MAGI1: variants seen among roughly 807,000 people sequenced by gnomAD.
The protein encoded by MAGI1 is membrane associated guanylate kinase, WW and PDZ domain containing 1, also known as membrane-associated guanylate kinase, WW and PDZ domain-containing protein 1.
Under a neutral mutation model 139.9 loss-of-function variants are expected in MAGI1, and 58 were observed. That is an observed-to-expected ratio of 0.41 (90% confidence interval 0.34 to 0.52). MAGI1 has a LOEUF of 0.52. Among genes scored for constraint, MAGI1 ranks in the 20% least tolerant of loss-of-function variants. The probability of loss-of-function intolerance (pLI) is 0.12; values close to 1 mark genes in which losing one functional copy is unlikely to be tolerated. For synonymous variants in MAGI1, 812 were observed against 737.9 expected (o/e 1.10, Z -1.63); for missense variants, 1,874 against 1,901.6 (o/e 0.99, Z 0.27).
At chr3:65,816,306 G>A (rs1011078726) in intron 1 of MAGI1, among the ~76,000 whole-genome samples, 2 of 152,116 alleles carry the variant, frequency 1.3e-5, no homozygotes, top group African/African-American at 4.8e-5. Context: ...TTTCAGTGAT[G>A]AAAAATTTCC....
At chr3:65,505,423 G>C (rs1238576454) in intron 2 of MAGI1, among the ~76,000 whole-genome samples, 1 of 151,002 alleles carries the variant, frequency 6.6e-6, no homozygotes, top group Non-Finnish European at 1.5e-5. Flanking sequence ...CTGGGGCCAG[G>C]CATGGTAGCT....
intron 1 of MAGI1, chr3:66,009,247 G>A (rs1474427082): frequency 1.3e-5 from 2 of 152,332 alleles, no homozygotes; most frequent in East Asian, 1.9e-4. Context: ...CAGGTGCGGT[G>A]GCTCACGCCT....
chr3:66,010,539 T>C (rs1027590775), intron 1 of MAGI1, among the ~76,000 whole-genome samples: 3 of 152,126 alleles, frequency 2.0e-5, no homozygotes, highest in Non-Finnish European at 2.9e-5. Context: ...GGCCGGCAGA[T>C]GATAAGAGGC....
At position 65,795,730 on chromosome 3, in the gene MAGI1, G is replaced by GAC. The variant is rs141337209; in HGVS notation, c.314-173643_314-173642insGT. On this transcript the variant is annotated intron_variant, in intron 1 of 22. Coordinates refer to ENST00000402939, the MANE Select transcript of MAGI1 (RefSeq NM_001033057.2). ...ACACACACACACACACACACACGGA[G>GAC]AGAGAGAGAGAGATAGAGATTTAAG... Among the ~76,000 whole-genome samples, 690 of 76,154 alleles carry GAC rather than the reference G, an allele frequency of 9.1e-3. 4 individuals are homozygous for GAC. Among genetic ancestry groups the GAC allele is most frequent in the African/African-American group, 0.025 (647 of 25,664 alleles). 50.0% of individuals were successfully genotyped at this position (76,154 alleles called of 152,430 possible).
At chr3:65,829,933 C>T (rs1445927579) in intron 1 of MAGI1, among the ~76,000 whole-genome samples, 1 of 152,202 alleles carries the variant, frequency 6.6e-6, no homozygotes, top group East Asian at 1.9e-4. Flanking sequence ...GACTGACTCT[C>T]CCTCCAATTC....
intron 2 of MAGI1, among the ~76,000 whole-genome samples, chr3:65,515,887 T>C (rs2077848415): frequency 6.6e-6 from 1 of 152,184 alleles, no homozygotes; most frequent in East Asian, 1.9e-4. Context: ...ACACAAATGC[T>C]GAAAATGAGG....
At chr3:65,863,861 C>T (rs34245385) in intron 1 of MAGI1, among the ~76,000 whole-genome samples, 2,815 of 152,210 alleles carry the variant, frequency 0.018, 42 homozygotes, top group Non-Finnish European at 0.029. Flanking sequence ...CCTCCACATG[C>T]TAGTCTTCAG....
At chr3:65,503,095 T>A (rs983122308) in intron 2 of MAGI1, among the ~76,000 whole-genome samples, 1 of 152,134 alleles carries the variant, frequency 6.6e-6, no homozygotes, top group Non-Finnish European at 1.5e-5. Flanking sequence ...AGGTGTGCTG[T>A]ACCTCCAGCA....
intron 1 of MAGI1, among the ~76,000 whole-genome samples, chr3:65,951,786 T>C (rs1455340515): frequency 6.6e-6 from 1 of 152,212 alleles, no homozygotes; most frequent in African/African-American, 2.4e-5. Flanking sequence ...GGCAGTCTGG[T>C]GATGACTATT....
At chr3:65,701,488 A>T (rs892043022) in intron 1 of MAGI1, among the ~76,000 whole-genome samples, 1 of 152,120 alleles carries the variant, frequency 6.6e-6, no homozygotes, top group African/African-American at 2.4e-5. Flanking sequence ...CCTGACCTCA[A>T]GTGATCCGCC....
intron 5 of MAGI1, among the ~76,000 whole-genome samples, chr3:65,465,474 T>C (rs531759159): frequency 2.6e-5 from 4 of 152,216 alleles, no homozygotes; most frequent in Admixed American, 2.6e-4. Context: ...TATTTTCATT[T>C]TCCCTTGATT....
At position 65,573,006 on chromosome 3, in the gene MAGI1, TA is replaced by T. The variant is rs894791953; in HGVS notation, c.430+48965del. Among the ~76,000 whole-genome samples the T allele has an allele frequency of 2.0e-5, 3 of 151,912 alleles. No homozygotes were observed. The South Asian group carries it at 6.2e-4, about 32-fold the overall frequency. ...TTAGACTTGCACGTATTTTGACAAG[TA>T]AAAAAAATGTTATACAGATATGAAG... On this transcript the variant is annotated intron_variant, in intron 2 of 22. Transcript: ENST00000402939.
chr3:65,619,130 T>TATATTTCAAC (rs1262643383), intron 2 of MAGI1, among the ~76,000 whole-genome samples: 39 of 152,210 alleles, frequency 2.6e-4, no homozygotes, highest in African/African-American at 9.4e-4. Context: ...GTATGTGAAT[T>TATATTTCAAC]ATATTTCAAC....
intron 2 of MAGI1, chr3:65,609,745 T>G (rs974387220): frequency 1.8e-5 from 6 of 328,610 alleles, no homozygotes; most frequent in Non-Finnish European, 3.7e-5. Context: ...CCACCATACC[T>G]GGGTAATTTT....
intron 3 of MAGI1, among the ~76,000 whole-genome samples, chr3:65,486,495 G>C (rs779021251): frequency 1.3e-5 from 2 of 152,068 alleles, no homozygotes; most frequent in Non-Finnish European, 2.9e-5. Context: ...AAAAAGAAAA[G>C]CAAGGGAAAA....
At chr3:65,852,312 T>G (rs1348921908) in intron 1 of MAGI1, among the ~76,000 whole-genome samples, 2 of 152,136 alleles carry the variant, frequency 1.3e-5, no homozygotes, top group African/African-American at 2.4e-5. Context: ...GCATCAGTTT[T>G]GAGCCTCCCC....
At chr3:65,379,635 C>T (rs907743004) in intron 16 of MAGI1, 81 bp from the exon 17 acceptor site, 1 of 1,536,244 alleles carries the variant, frequency 6.5e-7, no homozygotes, top group African/African-American at 1.4e-5. Context: ...TCCAGCAACT[C>T]CTGCTAGAAA....
chr3:65,393,558 G>A (rs1330130213), intron 13 of MAGI1, among the ~76,000 whole-genome samples: 1 of 152,036 alleles, frequency 6.6e-6, no homozygotes, highest in Non-Finnish European at 1.5e-5. Context: ...TTTTAGTAAT[G>A]TTTTACTTTT....
In MAGI1 at chr3:65,993,434, T is replaced by C. The variant is rs2107375960; in HGVS notation, c.313+44562A>G. Among the ~76,000 whole-genome samples the C allele has an allele frequency of 1.3e-5, 2 of 152,258 alleles. 1 individual carries two copies. The highest frequency in any genetic ancestry group is 4.2e-4 in the South Asian group (2 of 4,814). On this transcript the variant is annotated intron_variant, in intron 1 of 22. Coordinates refer to ENST00000402939, the MANE Select transcript of MAGI1 (RefSeq NM_001033057.2). ...GGCAATTAGAAGAACCAGCAAGCCC[T>C]TACTGAACACCTACTGAACAAGAAT...
Sources: gnomAD v4.1 joint callset for allele counts (sites outside exome capture counted in the v4.1 genomes callset) on GRCh38, gnomAD v4.1.1 for gene constraint, MANE v1.5 for transcripts, NCBI Gene and HGNC (gene_info 2026-07-23, HGNC 2026-07-21) for gene names.